The following AK3 variants were observed in gnomAD, a reference collection of about 807,000 sequenced individuals.
The protein encoded by AK3 is adenylate kinase 3, also known as GTP:AMP phosphotransferase AK3, mitochondrial.
A neutral mutation model predicts 23.7 loss-of-function variants in AK3; 27 were observed. The ratio of observed to expected loss-of-function variants is 1.14; its 90% CI spans 0.84 to 1.57. The LOEUF (loss-of-function observed/expected upper bound fraction) is 1.57. Ranked by LOEUF, AK3 falls within the 40% of genes most tolerant of loss-of-function variation. AK3 has a pLI of 0.00. For synonymous variants in AK3, 159 were observed against 116.0 expected (o/e 1.37, Z -2.38); for missense variants, 406 against 285.6 (o/e 1.42, Z -3.04).
At chr9:4,722,922 G>T (rs557354371) in intron 1 of AK3, among the ~76,000 whole-genome samples, 186 of 152,278 alleles carry the variant, frequency 1.2e-3, no homozygotes, top group African/African-American at 4.3e-3. Context: ...CGGACATGAT[G>T]GCGGGTGCCT....
chr9:4,727,044 C>T (rs758999642), intron 1 of AK3, among the ~76,000 whole-genome samples: 2 of 152,130 alleles, frequency 1.3e-5, no homozygotes, highest in Non-Finnish European at 2.9e-5. Flanking sequence ...TAGTTCTCAA[C>T]AGTGGGCTTC....
chr9:4,720,173 A>T (rs1204463377), intron 2 of AK3, among the ~76,000 whole-genome samples: 1 of 152,182 alleles, frequency 6.6e-6, no homozygotes, highest in East Asian at 1.9e-4. Context: ...CTAACAGACA[A>T]AGAGATGTGT....
In AK3 at chr9:4,715,894, C is replaced by T. The variant is rs148768541; in HGVS notation, c.563+2525G>A. Among the ~76,000 whole-genome samples the T allele has an allele frequency of 2.0e-5, 3 of 152,272 alleles. 1 individual carries two copies. The East Asian group carries it at 5.8e-4, about 29-fold the overall frequency. ...CGACGAGGTTCAGGAGAGACTGTCC[C>T]CACTCCCCATCTTCAAGGATGGACA... On this transcript the variant is annotated intron_variant, in intron 4 of 4. Coordinates refer to ENST00000381809, the MANE Select transcript of AK3 (RefSeq NM_016282.4).
intron 1 of AK3, among the ~76,000 whole-genome samples, chr9:4,729,826 T>G (rs1339852802): frequency 2.2e-5 from 3 of 135,376 alleles, no homozygotes; most frequent in Non-Finnish European, 3.3e-5. Flanking sequence ...GAAGAGACTG[T>G]GTCTCTTAAA....
rs1403051201 is a variant in AK3 at position 4,722,553 on chromosome 9, G to C, written c.224C>G (p.Ala75Gly). Residue 75 changes from alanine (A) to glycine (G), a missense_variant, in exon 2 of 5, where the codon GCC (alanine) becomes GGC (glycine). Transcript: ENST00000381809. ...LIPDDVMTRL[A>G]LHELKNLTQY... ...GGTGAGATTTTTCAGCTCATGAAGGGCCAGCCGAGTCATGACATCATCTGG... is the reference window on the plus strand; with the variant it reads ...GGTGAGATTTTTCAGCTCATGAAGGCCCAGCCGAGTCATGACATCATCTGG... 1 of 1,614,170 alleles carries C rather than the reference G, an allele frequency of 6.2e-7. No homozygotes were observed. Among genetic ancestry groups the C allele is most frequent in the Non-Finnish European group, 8.5e-7 (1 of 1,180,024 alleles).
At chr9:4,718,938 A>G (rs1404106338) in intron 3 of AK3, among the ~76,000 whole-genome samples, 197 bp downstream of exon 3, 1 of 152,196 alleles carries the variant, frequency 6.6e-6, no homozygotes, top group Non-Finnish European at 1.5e-5. Flanking sequence ...TGAATGAGTA[A>G]CAAACCCCTG....
At chr9:4,725,196 G>C (rs1239216521) in intron 1 of AK3, among the ~76,000 whole-genome samples, 1 of 151,588 alleles carries the variant, frequency 6.6e-6, no homozygotes. Flanking sequence ...GCTAATTTTT[G>C]TATTTTTAGT....
intron 1 of AK3, among the ~76,000 whole-genome samples, chr9:4,730,054 T>A (rs184121644): frequency 6.6e-6 from 1 of 152,228 alleles, no homozygotes; most frequent in Non-Finnish European, 1.5e-5. Flanking sequence ...TCAAACATGC[T>A]CAGTGAAAGA....
chr9:4,712,995 T>G lies in AK3; in HGVS notation c.665A>C (p.Lys222Thr). Residue 222 changes from lysine (K) to threonine (T), a missense_variant, in exon 5 of 5, where the codon AAA (lysine) becomes ACA (threonine). Transcript: ENST00000381809. ...TTCTCCTCATGGAGTAACTGAAGCT[T>G]TCTGGCTTCTTTGTGGAACTTTAGT... ...LQTKVPQRSQ[K>T]ASVTP 1.9e-6 allele frequency: 3 copies of G among 1,613,612 alleles called. No homozygotes were observed. The highest frequency in any genetic ancestry group is 2.5e-6 in the Non-Finnish European group (3 of 1,179,702).
Position 4,719,145 on chromosome 9 carries a change from G to A in AK3, c.434C>T (p.Pro145Leu). The A allele has an allele frequency of 6.2e-7, 1 of 1,611,858 alleles. No individual in the cohort carries two copies. Among genetic ancestry groups the A allele is most frequent in the East Asian group, 2.2e-5 (1 of 44,886 alleles). ...GRVYNIEFNPPKTVGIDDLTG... is the reference protein window; with the variant it reads ...GRVYNIEFNPLKTVGIDDLTG... ...ACAACAACTACTCACCACAGTTTTG[G>A]GAGGGTTGAATTCAATGTTATAGAC... Residue 145 changes from proline to leucine, a missense_variant, in exon 3 of 5, where the codon CCC (proline) becomes CTC (leucine). By Grantham distance (98) the Pro-to-Leu change is moderately conservative. Transcript: ENST00000381809.
At chr9:4,731,317 C>T (rs1187039030) in intron 1 of AK3, among the ~76,000 whole-genome samples, 4 of 152,014 alleles carry the variant, frequency 2.6e-5, no homozygotes, top group Non-Finnish European at 4.4e-5. Context: ...TCCCTCTATG[C>T]GTCCATGTGT....
chr9:4,722,603 A>C lies in AK3; in HGVS notation c.174T>G (p.Ala58=). ...GGATGAGTTTCCCTTGGTCAATGAA[A>C]GCCTTGGCTAACACGCCAATTTCTA... ...RGTEIGVLAK[A]FIDQGKLIPD... The change falls in exon 2 of 5, where the codon GCT becomes GCG. Residue 58 remains alanine, a synonymous_variant. Transcript: ENST00000381809. The C allele has an allele frequency of 6.2e-7, 1 of 1,614,226 alleles. No individual in the cohort carries two copies. Among genetic ancestry groups the C allele is most frequent in the Non-Finnish European group, 8.5e-7 (1 of 1,180,026 alleles).
Position 4,719,307 on chromosome 9 carries a change from C to A in AK3, c.272G>T (p.Gly91Val). 3 of 1,309,470 alleles carry A rather than the reference C, an allele frequency of 2.3e-6. No individual in the cohort carries two copies. The highest frequency in any genetic ancestry group is 3.0e-6 in the Non-Finnish European group (3 of 1,002,246). 81.1% of individuals were successfully genotyped at this position (1,309,470 alleles called of 1,614,324 possible). A position where few individuals can be genotyped will look rare whatever the true frequency, so the allele number is the denominator to read the frequency against. Residue 91 changes from glycine to valine, a missense_variant and splice_region_variant, in exon 3 of 5, where the codon GGT becomes GTT. Gly to Val is a moderately radical substitution (Grantham distance 109, BLOSUM62 -3). Coordinates refer to ENST00000381809, the MANE Select transcript of AK3 (RefSeq NM_016282.4). ...NLTQYSWLLD[G>V]FPRTLPQAEA... ...TGCCTGTGGAAGTGTCCTTGGAAAA[C>A]CTTTATAAAGTAAAAAAGAAAAAGA...
In AK3 at chr9:4,729,044, CTT is replaced by C. The variant is rs1333200211; in HGVS notation, c.152-6421_152-6420del. 2.4e-5 allele frequency among the ~76,000 whole-genome samples: 3 copies of C among 125,924 alleles called. No individual in the cohort carries two copies. The Admixed American group carries it at 2.5e-4, about 11-fold the overall frequency. 82.6% of individuals were successfully genotyped at this position (125,924 alleles called of 152,430 possible). A position where few individuals can be genotyped will look rare whatever the true frequency, so the allele number is the denominator to read the frequency against. On this transcript the variant is annotated intron_variant, in intron 1 of 4. Transcript: ENST00000381809. ...TTTTTTTTTGAGACGGAATTTTGCT[CTT>C]GTTGCCCAGGCTGGAGTGCAATGGC...
intron 4 of AK3, among the ~76,000 whole-genome samples, chr9:4,715,934 C>T (rs573514032): frequency 2.0e-5 from 3 of 152,116 alleles, no homozygotes; most frequent in Non-Finnish European, 2.9e-5. Flanking sequence ...CAGAGCTAAT[C>T]GGTGCCGACC....
Position 4,712,412 on chromosome 9 carries a change from T to TA in AK3, c.*563dup, listed in dbSNP as rs962838007. The TA allele has an allele frequency of 6.6e-6, 1 of 152,206 alleles. No homozygotes were observed. The highest frequency in any genetic ancestry group is 1.5e-5 in the Non-Finnish European group (1 of 68,024). 9.4% of individuals were successfully genotyped at this position (152,206 alleles called of 1,614,324 possible). A position where few individuals can be genotyped will look rare whatever the true frequency, so the allele number is the denominator to read the frequency against. ...AAAGTATGCTTAACGACAAAATAAA[T>TA]ACAGCATATATGGTTAACATATACA... On this transcript the variant is annotated 3_prime_UTR_variant, in exon 5 of 5. Transcript: ENST00000381809.
chr9:4,714,025 GCTACACATATACATCTACACATATACAC>G (rs1563781032), intron 4 of AK3, among the ~76,000 whole-genome samples: 6 of 2,850 alleles, frequency 2.1e-3, no homozygotes, highest in African/African-American at 9.6e-3. Flanking sequence ...CACATATACA[GCTACACATATACATCTACACATATACAC>G]CTACACATAT....
chr9:4,721,750 C>A (rs149009402), intron 2 of AK3, among the ~76,000 whole-genome samples: 299 of 152,332 alleles, frequency 2.0e-3, no homozygotes, highest in African/African-American at 7.1e-3. Context: ...TGAGCCACTG[C>A]CTCTGGCCCA....
intron 2 of AK3, among the ~76,000 whole-genome samples, chr9:4,720,516 T>C (rs1046606975): frequency 1.3e-5 from 2 of 152,062 alleles, no homozygotes; most frequent in African/African-American, 4.8e-5. Context: ...AGACCCCTTC[T>C]CTATAAATAA....
Sources: allele counts gnomAD v4.1 joint callset (sites outside exome capture counted in the v4.1 genomes callset), GRCh38; gene constraint gnomAD v4.1.1; transcripts MANE v1.5; gene names NCBI Gene and HGNC (gene_info 2026-07-23, HGNC 2026-07-21).